The following THRB variants were observed in gnomAD, a reference collection of about 807,000 sequenced individuals.
The protein encoded by THRB is thyroid hormone receptor beta, also known as nuclear receptor subfamily 1 group A member 2.
In THRB, 12 loss-of-function variants were observed where a neutral mutation model predicts 47.8. The ratio of observed to expected loss-of-function variants is 0.25; its 90% CI spans 0.16 to 0.41. THRB has a LOEUF of 0.41. Among genes scored for constraint, THRB ranks in the 10% least tolerant of loss-of-function variants. The pLI, the probability that THRB is intolerant of heterozygous loss-of-function variation, is 1.00. For synonymous variants in THRB, 218 were observed against 212.2 expected (o/e 1.03, Z -0.24); for missense variants, 348 against 589.2 (o/e 0.59, Z 4.24).
chr3:24,302,501 G>A (rs191738619), intron 2 of THRB, among the ~76,000 whole-genome samples: 34 of 152,210 alleles, frequency 2.2e-4, no homozygotes, highest in African/African-American at 7.9e-4. Flanking sequence ...ACATACAACC[G>A]TGTCTCAAGG....
intron 5 of THRB, among the ~76,000 whole-genome samples, chr3:24,179,495 G>C (rs1006799299): frequency 5.3e-5 from 8 of 152,138 alleles, no homozygotes; most frequent in Non-Finnish European, 1.0e-4. Context: ...CCAGGTGAGG[G>C]GTATGGGAAT....
intron 4 of THRB, 89 bp from the exon 5 acceptor site, chr3:24,190,423 C>G: frequency 6.5e-7 from 1 of 1,535,910 alleles, no homozygotes; most frequent in Non-Finnish European, 9.0e-7. Context: ...AGTTGTTTCT[C>G]AATTCTTTTG....
At chr3:24,294,117 G>A (rs1214532321) in intron 3 of THRB, among the ~76,000 whole-genome samples, 1 of 152,108 alleles carries the variant, frequency 6.6e-6, no homozygotes, top group African/African-American at 2.4e-5. Flanking sequence ...AAGAGGTTTT[G>A]TAGTTTCCAC....
chr3:24,147,078 A>G (rs2036194650), intron 6 of THRB, among the ~76,000 whole-genome samples: 1 of 152,156 alleles, frequency 6.6e-6, no homozygotes, highest in Non-Finnish European at 1.5e-5. Flanking sequence ...AAAAGAGGCT[A>G]GTAGGAACAT....
chr3:24,160,335 T>TC (rs1172892376), intron 5 of THRB, among the ~76,000 whole-genome samples: 2 of 152,140 alleles, frequency 1.3e-5, no homozygotes, highest in Non-Finnish European at 2.9e-5. Flanking sequence ...CCCCAAACCT[T>TC]GAGACGGAGC....
intron 10 of THRB, among the ~76,000 whole-genome samples, chr3:24,124,697 A>G (rs2032382507): frequency 6.6e-6 from 1 of 152,224 alleles, no homozygotes; most frequent in South Asian, 2.1e-4. Flanking sequence ...GCACTGTGGG[A>G]CCAAGGAACT....
intron 3 of THRB, among the ~76,000 whole-genome samples, chr3:24,243,126 T>C (rs2049737782): frequency 6.7e-6 from 1 of 149,928 alleles, no homozygotes; most frequent in African/African-American, 2.5e-5. Flanking sequence ...CCAGGCCAAT[T>C]AGTGTCTGTA....
chr3:24,356,815 G>A (rs1193537636), intron 1 of THRB, among the ~76,000 whole-genome samples: 1 of 152,008 alleles, frequency 6.6e-6, no homozygotes, highest in East Asian at 1.9e-4. Context: ...GAGGCCCCCT[G>A]AATATGCAGA....
intron 1 of THRB, among the ~76,000 whole-genome samples, chr3:24,354,511 G>A (rs2063549069): frequency 6.6e-6 from 1 of 152,156 alleles, no homozygotes; most frequent in South Asian, 2.1e-4. Context: ...TATTGGGAAA[G>A]CAAACTTTTT....
intron 1 of THRB, among the ~76,000 whole-genome samples, chr3:24,354,382 A>T (rs1365840966): frequency 1.3e-5 from 2 of 152,090 alleles, no homozygotes; most frequent in African/African-American, 4.8e-5. Context: ...GATAAAAGTT[A>T]AAAAAAAGTT....
chr3:24,166,931 A>G (rs1259494068), intron 5 of THRB, among the ~76,000 whole-genome samples: 1 of 152,156 alleles, frequency 6.6e-6, no homozygotes, highest in Non-Finnish European at 1.5e-5. Context: ...CAGTCATTCA[A>G]CAAATTATGG....
intron 2 of THRB, among the ~76,000 whole-genome samples, chr3:24,309,148 TTTCTACCTTACC>T (rs1332098337): frequency 2.0e-5 from 3 of 152,190 alleles, no homozygotes; most frequent in African/African-American, 7.2e-5. Context: ...TTTTTGTTAT[TTTCTACCTTACC>T]TCCTTGGCCT....
intron 1 of THRB, among the ~76,000 whole-genome samples, chr3:24,464,868 TATTA>T (rs2074007797): frequency 6.6e-6 from 1 of 152,210 alleles, no homozygotes; most frequent in African/African-American, 2.4e-5. Context: ...CTGTGGAAGT[TATTA>T]CTTACAGTTC....
intron 5 of THRB, among the ~76,000 whole-genome samples, chr3:24,188,955 G>T (rs1336466104): frequency 1.4e-5 from 2 of 147,600 alleles, no homozygotes; most frequent in Admixed American, 1.3e-4. Flanking sequence ...TCAAATCAGA[G>T]CTCAGAACAC....
intron 5 of THRB, among the ~76,000 whole-genome samples, chr3:24,186,196 G>A (rs1414360679): frequency 6.6e-6 from 1 of 152,182 alleles, no homozygotes; most frequent in Non-Finnish European, 1.5e-5. Context: ...AACATAGAAG[G>A]CTGGGCCCCT....
Position 24,362,734 on chromosome 3 carries a change from G to A in THRB, c.-260-25363C>T, listed in dbSNP as rs894539032. Among the ~76,000 whole-genome samples the A allele has an allele frequency of 2.0e-5, 3 of 152,312 alleles. No individual in the cohort carries two copies. The East Asian group carries it at 5.8e-4, about 29-fold the overall frequency. On this transcript the variant is annotated intron_variant, in intron 1 of 10. Transcript: ENST00000646209. ...AATTTAATCCTCACAACAACCATAA[G>A]AGATAGGTGCTATAATTATCCTGCT...
chr3:24,128,009 C>T (rs377723996), intron 9 of THRB, among the ~76,000 whole-genome samples: 3 of 152,292 alleles, frequency 2.0e-5, no homozygotes, highest in African/African-American at 7.2e-5. Flanking sequence ...AGACACAGTT[C>T]TCCAACTGCT....
chr3:24,283,730 G>A (rs2054901599), intron 3 of THRB, among the ~76,000 whole-genome samples: 1 of 151,308 alleles, frequency 6.6e-6, no homozygotes, highest in Non-Finnish European at 1.5e-5. Context: ...AGCAACTTCA[G>A]CAAAGTCTCA....
At chr3:24,269,391 G>A (rs1363983894) in intron 3 of THRB, among the ~76,000 whole-genome samples, 2 of 36,128 alleles carry the variant, frequency 5.5e-5, no homozygotes, top group East Asian at 7.9e-4. Context: ...GCTCACACGC[G>A]CGCGCGCGCG....
Sources: allele counts gnomAD v4.1 joint callset (sites outside exome capture counted in the v4.1 genomes callset), GRCh38; gene constraint gnomAD v4.1.1; transcripts MANE v1.5; gene names NCBI Gene and HGNC (gene_info 2026-07-23, HGNC 2026-07-21).